The following LPIN2 variants were observed in gnomAD, a reference collection of about 807,000 sequenced individuals.
LPIN2 encodes the protein phosphatidate phosphatase LPIN2.
A neutral mutation model predicts 111.4 loss-of-function variants in LPIN2; 55 were observed. The observed-to-expected ratio is 0.49, with a 90% CI of 0.40 to 0.62. The LOEUF is 0.62. Among genes scored for constraint, LPIN2 ranks in the 20% least tolerant of loss-of-function variants. The pLI is 0.00. For synonymous variants in LPIN2, 425 were observed against 414.0 expected, an observed-to-expected ratio of 1.03 and a Z score of -0.32; for missense variants, 992 against 1,112.1, an observed-to-expected ratio of 0.89 and a Z score of 1.54.
intron 1 of LPIN2, among the ~76,000 whole-genome samples, chr18:2,973,575 T>A (rs2077958396): frequency 6.6e-6 from 1 of 152,240 alleles, no homozygotes; most frequent in African/African-American, 2.4e-5. Context: ...TGTTTATCCA[T>A]TCACTAGCTA....
intron 16 of LPIN2, among the ~76,000 whole-genome samples, chr18:2,923,466 A>T (rs2077086163): frequency 6.6e-6 from 1 of 152,052 alleles, no homozygotes; most frequent in African/African-American, 2.4e-5. Context: ...ATACCCAGAA[A>T]ATAAACCAAA....
intron 7 of LPIN2, among the ~76,000 whole-genome samples, chr18:2,936,167 TAATA>T (rs1441753820): frequency 2.0e-5 from 3 of 152,226 alleles, no homozygotes; most frequent in Non-Finnish European, 2.9e-5. Flanking sequence ...GGTCCATACC[TAATA>T]TATATTAAGT....
rs1387196628 is a variant in LPIN2 at position 2,917,269 on chromosome 18, T to G, written c.*3024A>C. The G allele has an allele frequency of 6.6e-6, 1 of 152,242 alleles. No individual in the cohort carries two copies. The highest frequency in any genetic ancestry group is 1.5e-5 in the Non-Finnish European group (1 of 68,026). The allele number at this position is 152,242 out of a possible 1,614,324, so 9.4% of individuals were successfully genotyped here. On this transcript the variant is annotated 3_prime_UTR_variant, in exon 20 of 20. Coordinates refer to ENST00000677752, the MANE Select transcript of LPIN2 (RefSeq NM_001375808.2). ...TCAAACAAAACCAAAAGAGTAGTTT[T>G]CATCTGGAAAGAGCACTTACTTCAG...
intron 1 of LPIN2, among the ~76,000 whole-genome samples, chr18:2,964,421 C>A (rs2077761246): frequency 6.6e-6 from 1 of 151,884 alleles, no homozygotes; most frequent in Non-Finnish European, 1.5e-5. Context: ...GAGACAGGGC[C>A]TTTGGGAAGT....
At chr18:2,962,783 A>T (rs951871917) in intron 1 of LPIN2, among the ~76,000 whole-genome samples, 2 of 152,202 alleles carry the variant, frequency 1.3e-5, no homozygotes, top group African/African-American at 4.8e-5. Flanking sequence ...TTACTGCTTG[A>T]ATGGTGGTGG....
intron 4 of LPIN2, among the ~76,000 whole-genome samples, chr18:2,941,466 A>G (rs1024294192): frequency 2.6e-5 from 4 of 152,262 alleles, no homozygotes; most frequent in South Asian, 4.1e-4. Flanking sequence ...TTCAGTTACT[A>G]TAACTACCTT....
At chr18:2,939,422 G>A in intron 6 of LPIN2, 58 bp downstream of exon 6, 2 of 1,606,266 alleles carry the variant, frequency 1.2e-6, no homozygotes, top group South Asian at 1.1e-5. Context: ...ATGGGCAGAG[G>A]AATTCGTCAC....
chr18:2,975,072 A>G (rs1157856445), intron 1 of LPIN2, among the ~76,000 whole-genome samples: 2 of 152,206 alleles, frequency 1.3e-5, no homozygotes, highest in East Asian at 3.8e-4. Context: ...CCTCACAACT[A>G]GGTGAGGTAA....
intron 1 of LPIN2, among the ~76,000 whole-genome samples, chr18:3,000,127 G>GAGC (rs1385786998): frequency 6.6e-6 from 1 of 151,120 alleles, no homozygotes; most frequent in Non-Finnish European, 1.5e-5. Flanking sequence ...GAAGGAGGAG[G>GAGC]AGGAGGAGGA....
chr18:2,998,373 A>T (rs1391184277), intron 1 of LPIN2, among the ~76,000 whole-genome samples: 1 of 152,258 alleles, frequency 6.6e-6, no homozygotes, highest in Non-Finnish European at 1.5e-5. Context: ...CAAGTCAGCG[A>T]AACAGCACTT....
intron 1 of LPIN2, among the ~76,000 whole-genome samples, chr18:2,991,913 G>A (rs2078271089): frequency 6.6e-6 from 1 of 151,834 alleles, no homozygotes; most frequent in Admixed American, 6.6e-5. Context: ...GGGAGGCTGA[G>A]GTAGAGAACT....
rs1414200193 is a variant in LPIN2 at position 2,920,310 on chromosome 18, G to A, written c.2674C>T (p.Leu892=). ...GTGCCGCCTCAAGACAGGTCATCCA[G>A]GTCCACTTCAGGGATCGGGTCTCGC... ...YWRDPIPEVD[L]DDLS The change falls in exon 20 of 20, where the codon CTG becomes TTG. Residue 892 remains leucine (L), a synonymous_variant. Transcript: ENST00000677752. 3.1e-6 allele frequency: 5 copies of A among 1,614,062 alleles called. No homozygotes were observed. The highest frequency in any genetic ancestry group is 4.2e-6 in the Non-Finnish European group (5 of 1,180,050).
chr18:2,932,324 CAG>C (rs2077222122), intron 8 of LPIN2, among the ~76,000 whole-genome samples: 1 of 152,118 alleles, frequency 6.6e-6, no homozygotes, highest in Non-Finnish European at 1.5e-5. Flanking sequence ...ATTAAAAAAA[CAG>C]TGACCCAGAG....
intron 2 of LPIN2, among the ~76,000 whole-genome samples, chr18:2,958,664 G>A (rs1451415161): frequency 1.3e-5 from 2 of 151,898 alleles, no homozygotes; most frequent in Non-Finnish European, 2.9e-5. Context: ...GGAGTAGGAG[G>A]AAAAAAATTC....
intron 1 of LPIN2, among the ~76,000 whole-genome samples, chr18:2,996,346 A>G (rs904563918): frequency 3.9e-5 from 6 of 152,078 alleles, no homozygotes; most frequent in East Asian, 1.9e-4. Flanking sequence ...CCCAAAAATA[A>G]AAGTGTTACA....
At chr18:2,939,685 A>C in intron 5 of LPIN2, 82 bp from the exon 6 acceptor site, 1 of 1,473,710 alleles carries the variant, frequency 6.8e-7, no homozygotes, top group Non-Finnish European at 9.3e-7. Flanking sequence ...TAAAAGAAAC[A>C]AATCTGAATA....
At chr18:2,988,060 G>GCAGGC (rs1205717678) in intron 1 of LPIN2, among the ~76,000 whole-genome samples, 1 of 144,936 alleles carries the variant, frequency 6.9e-6, no homozygotes, top group Non-Finnish European at 1.5e-5. Context: ...AGTGCTGCCA[G>GCAGGC]CAGGCCAGAT....
chr18:3,001,552 A>G (rs2078435575), intron 1 of LPIN2, among the ~76,000 whole-genome samples: 1 of 152,102 alleles, frequency 6.6e-6, no homozygotes, highest in Admixed American at 6.6e-5. Flanking sequence ...GTGTGAGAGG[A>G]GGGTTATATA....
chr18:3,007,130 C>G (rs1188826145), intron 1 of LPIN2, among the ~76,000 whole-genome samples: 1 of 152,080 alleles, frequency 6.6e-6, no homozygotes, highest in Non-Finnish European at 1.5e-5. Flanking sequence ...GACATTACAG[C>G]TATGTCAAAT....
Sources: gnomAD v4.1 joint callset for allele counts (sites outside exome capture counted in the v4.1 genomes callset) on GRCh38, gnomAD v4.1.1 for gene constraint, MANE v1.5 for transcripts, NCBI Gene and HGNC (gene_info 2026-07-23, HGNC 2026-07-21) for gene names.